The following PLCH2 variants were observed in gnomAD, a reference collection of about 807,000 sequenced individuals.
PLCH2 encodes the protein phospholipase C eta 2.
Under a neutral mutation model 134.7 loss-of-function variants are expected in PLCH2, and 98 were observed. That is an observed-to-expected ratio of 0.73 (90% CI 0.62 to 0.86). The LOEUF (loss-of-function observed/expected upper bound fraction) is 0.86. Among genes scored for constraint, PLCH2 ranks in the 40% least tolerant of loss-of-function variants. The pLI, the probability that PLCH2 is intolerant of heterozygous loss-of-function variation, is 0.00. For synonymous variants in PLCH2, 974 were observed against 827.5 expected (o/e 1.18, Z -3.04); for missense variants, 1,994 against 1,986.6 (o/e 1.00, Z -0.07).
At chr1:2,483,414 T>C (rs1278929182) in intron 4 of PLCH2, among the ~76,000 whole-genome samples, 6 of 152,198 alleles carry the variant, frequency 3.9e-5, no homozygotes, top group Admixed American at 3.3e-4. Context: ...TGAAACGAGC[T>C]GTCAGGGCTG....
intron 2 of PLCH2, among the ~76,000 whole-genome samples, chr1:2,431,262 G>A (rs939457778): frequency 4.6e-5 from 7 of 152,180 alleles, no homozygotes; most frequent in African/African-American, 1.2e-4. Flanking sequence ...GCGTGTGTGC[G>A]TGTGTGCGTG....
Position 2,456,079 on chromosome 1 carries a change from C to T in PLCH2, c.116-22397C>T, listed in dbSNP as rs142537985. ...TTCCGTGTTTGTAAGGAAACAGCGT[C>T]GCCTGGGGCAGCATTGGCTGTGGGT... On this transcript the variant is annotated intron_variant, in intron 2 of 3. Coordinates refer to the PLCH2 transcript ENST00000609981. Among the ~76,000 whole-genome samples, 222 of 152,350 alleles carry T rather than the reference C, an allele frequency of 1.5e-3. 1 individual carries two copies. The highest frequency in any genetic ancestry group is 4.8e-3 in the African/African-American group (200 of 41,574).
At position 2,505,095 on chromosome 1, in the gene PLCH2, C is replaced by G. The variant is rs931625839; in HGVS notation, c.4133C>G (p.Thr1378Ser). ...RQGPPEEERGTPEGACSVGHE... is the reference protein window; with the variant it reads ...RQGPPEEERGSPEGACSVGHE... ...GGACCCCCAGAAGAGGAGCGGGGCA[C>G]CCCCGAGGGCGCCTGCTCCGTGGGC... The change falls in exon 22 of 22, where the codon ACC becomes AGC. Residue 1378 changes from threonine to serine, a missense_variant. Physicochemically the swap from Thr to Ser is moderately conservative, Grantham distance 58. This residue lies in a region of PLCH2 where 900 missense variants were observed against 752.3 expected (regional missense o/e 1.20). Transcript: ENST00000378486. 6.5e-7 allele frequency: 1 copy of G among 1,539,888 alleles called. No homozygotes were observed. Among genetic ancestry groups the G allele is most frequent in the Non-Finnish European group, 8.7e-7 (1 of 1,150,650 alleles).
chr1:2,422,441 C>T (rs967384297), upstream of PLCH2, among the ~76,000 whole-genome samples: 4 of 152,296 alleles, frequency 2.6e-5, no homozygotes, highest in Admixed American at 6.5e-5. Flanking sequence ...TTGCATCTGT[C>T]GCAGTGTGTT....
chr1:2,503,031 A>ATCCGTGGCACTGTC (rs1424231555), intron 21 of PLCH2: 5 of 713,278 alleles, frequency 7.0e-6, no homozygotes, highest in South Asian at 1.5e-5. Flanking sequence ...GTGGCTCTGT[A>ATCCGTGGCACTGTC]TCCGTGGCAC....
chr1:2,465,294 G>A (rs1182214076), upstream of PLCH2, among the ~76,000 whole-genome samples: 1 of 152,188 alleles, frequency 6.6e-6, no homozygotes, highest in Non-Finnish European at 1.5e-5. Flanking sequence ...AGACCCGGAA[G>A]GCAAGAACCA....
intron 8 of PLCH2, among the ~76,000 whole-genome samples, chr1:2,488,247 C>T (rs1247025354): frequency 2.6e-5 from 4 of 152,192 alleles, no homozygotes; most frequent in African/African-American, 9.7e-5. Flanking sequence ...CCTGGAAGAG[C>T]TGGTCCTTGC....
chr1:2,465,833 A>G (rs894183748), upstream of PLCH2, among the ~76,000 whole-genome samples: 5 of 152,082 alleles, frequency 3.3e-5, no homozygotes, highest in Non-Finnish European at 7.4e-5. Context: ...GGCCTCTGGA[A>G]GGGGGCTCAG....
chr1:2,440,379 C>T (rs1439399206), intron 2 of PLCH2, among the ~76,000 whole-genome samples: 2 of 151,032 alleles, frequency 1.3e-5, no homozygotes, highest in East Asian at 3.9e-4. Flanking sequence ...CACAGTCTGC[C>T]GTGAGAGGAG....
intron 4 of PLCH2, among the ~76,000 whole-genome samples, chr1:2,483,746 G>GT (rs1642100164): frequency 6.6e-6 from 1 of 150,458 alleles, no homozygotes; most frequent in Admixed American, 6.6e-5. Flanking sequence ...AGCCCAGAGT[G>GT]TGTTGTTGAC....
chr1:2,455,074 T>G (rs535438724), intron 2 of PLCH2, among the ~76,000 whole-genome samples: 1 of 152,256 alleles, frequency 6.6e-6, no homozygotes, highest in African/African-American at 2.4e-5. Flanking sequence ...GAAGCCTCCA[T>G]GGGCCAGACC....
At chr1:2,438,928 C>G (rs1639561708) in intron 2 of PLCH2, among the ~76,000 whole-genome samples, 1 of 152,226 alleles carries the variant, frequency 6.6e-6, no homozygotes, top group Non-Finnish European at 1.5e-5. Context: ...CCCCACTTCG[C>G]CGGCGTGGGC....
At chr1:2,490,976 G>A (rs1642542946) in intron 10 of PLCH2, among the ~76,000 whole-genome samples, 1 of 152,262 alleles carries the variant, frequency 6.6e-6, no homozygotes, top group South Asian at 2.1e-4. Flanking sequence ...AAGCCGCACA[G>A]GCTCTGCTGG....
the PLCH2 span, among the ~76,000 whole-genome samples, chr1:2,417,505 A>G: frequency 4.6e-5 from 7 of 152,302 alleles, no homozygotes; most frequent in Non-Finnish European, 8.8e-5. Context: ...GAGTGAGCCC[A>G]GGACCTGTGG....
chr1:2,442,529 C>T (rs540512025), intron 2 of PLCH2, among the ~76,000 whole-genome samples: 16 of 152,340 alleles, frequency 1.1e-4, no homozygotes, highest in Non-Finnish European at 1.6e-4. Flanking sequence ...GCAGAGCTGA[C>T]GGGCCCAGGG....
rs1225194244 is a variant in PLCH2 at position 2,439,905 on chromosome 1, A to C, written c.115+9276A>C. ...ACCTCATGATCTTAATGTGAAGGGC[A>C]GACTCAAAATCAGGGCAAGGTCATG... is the stretch of plus-strand genomic sequence containing the variant. On this transcript the variant is annotated intron_variant, in intron 2 of 3. Transcript: ENST00000609981. This position sits in a 1 kb window ranked among gnomAD's most constrained non-coding sequence, Gnocchi z 4.7. Among the ~76,000 whole-genome samples the C allele has an allele frequency of 1.3e-5, 2 of 152,132 alleles. No homozygotes were observed. Among genetic ancestry groups the C allele is most frequent in the Non-Finnish European group, 2.9e-5 (2 of 68,012 alleles).
intron 2 of PLCH2, among the ~76,000 whole-genome samples, chr1:2,432,524 G>A (rs368014519): frequency 4.6e-5 from 7 of 152,214 alleles, no homozygotes; most frequent in Non-Finnish European, 7.4e-5. Context: ...TGGGGCTAAC[G>A]GGTGGGGGAG....
At chr1:2,473,309 G>C (rs1418679273), upstream of PLCH2, among the ~76,000 whole-genome samples, 1 of 152,188 alleles carries the variant, frequency 6.6e-6, no homozygotes, top group African/African-American at 2.4e-5. Context: ...AGGCAGTCAG[G>C]GTGGGCCGGT....
chr1:2,486,862 G>A (rs916710716), intron 5 of PLCH2, 45 bp from the exon 6 acceptor site: 15 of 1,497,320 alleles, frequency 1.0e-5, no homozygotes, highest in African/African-American at 2.8e-5. Flanking sequence ...GGCTATCCCA[G>A]GCCAGGGATG....
Sources: gnomAD v4.1 joint callset for allele counts (sites outside exome capture counted in the v4.1 genomes callset) on GRCh38, gnomAD v4.1.1 for gene constraint, gnomAD v4.1.1 regional missense constraint, Gnocchi (gnomAD v3.1) non-coding constraint, MANE v1.5 for transcripts, NCBI Gene and HGNC (gene_info 2026-07-23, HGNC 2026-07-21) for gene names.